The following BSDC1 variants were observed in gnomAD, a reference collection of about 807,000 sequenced individuals.
The protein encoded by BSDC1 is BSD domain-containing protein 1.
Under a neutral mutation model 56.0 loss-of-function variants are expected in BSDC1, and 29 were observed. That is an observed-to-expected ratio of 0.52 (90% CI 0.39 to 0.71). BSDC1 has a LOEUF of 0.71. BSDC1 is among the 30% of genes least tolerant of loss of function. The pLI, the probability that BSDC1 is intolerant of heterozygous loss-of-function variation, is 0.00. For synonymous variants in BSDC1, 210 were observed against 215.3 expected (o/e 0.98, Z 0.21); for missense variants, 477 against 548.5 (o/e 0.87, Z 1.30).
At chr1:32,367,228 T>C (rs1641886034) in intron 10 of BSDC1, 1 of 985,374 alleles carries the variant, frequency 1.0e-6, no homozygotes, top group Non-Finnish European at 1.2e-6. Flanking sequence ...GAACGTTTTC[T>C]TGCTTTGTTC....
chr1:32,372,527 T>C (rs1642127989), intron 9 of BSDC1, among the ~76,000 whole-genome samples: 2 of 152,188 alleles, frequency 1.3e-5, no homozygotes. Context: ...GTATTAACAG[T>C]CCCAGTATAC....
At chr1:32,377,122 T>A (rs1280083328) in intron 8 of BSDC1, among the ~76,000 whole-genome samples, 3 of 151,378 alleles carry the variant, frequency 2.0e-5, no homozygotes, top group Non-Finnish European at 2.9e-5. Flanking sequence ...GATGACAGAG[T>A]GAGACTCTGC....
chr1:32,379,170 C>T (rs964293667), intron 5 of BSDC1, among the ~76,000 whole-genome samples: 5 of 152,128 alleles, frequency 3.3e-5, no homozygotes, highest in African/African-American at 7.2e-5. Flanking sequence ...TGTCTTCCCT[C>T]GTGTGACCAT....
chr1:32,379,446 A>C (rs1208562567), intron 5 of BSDC1, among the ~76,000 whole-genome samples: 3 of 152,008 alleles, frequency 2.0e-5, no homozygotes, highest in African/African-American at 7.2e-5. Context: ...CCAGATCCAG[A>C]GGTCCAGGTA....
chr1:32,378,145 C>A lies in BSDC1; in HGVS notation c.597+70G>T, dbSNP rs1451661603. The A allele has an allele frequency of 6.2e-7, 1 of 1,607,820 alleles. No individual in the cohort carries two copies. Among genetic ancestry groups the A allele is most frequent in the Non-Finnish European group, 8.5e-7 (1 of 1,174,948 alleles). On this transcript the variant is annotated intron_variant, in intron 7 of 10. Coordinates refer to ENST00000455895, the MANE Select transcript of BSDC1 (RefSeq NM_018045.8). The surrounding 1 kb of genome is among the most constrained non-coding windows in gnomAD (Gnocchi z 5.2). ...AACTCTTGGCACCCTGTATCCCTTT[C>A]TTCTCTCAATAAATCCAGCCTGCTT...
chr1:32,366,844 A>C, intron 10 of BSDC1, 190 bp from the exon 11 acceptor site: 1 of 1,331,646 alleles, frequency 7.5e-7, no homozygotes, highest in Non-Finnish European at 9.6e-7. Flanking sequence ...CCTCTGCCTG[A>C]GGGGTGGGCC....
chr1:32,376,958 C>T (rs915256278), intron 8 of BSDC1, among the ~76,000 whole-genome samples: 4 of 152,074 alleles, frequency 2.6e-5, no homozygotes, highest in African/African-American at 9.7e-5. Flanking sequence ...CACGGTGAAA[C>T]CCCATCTCTA....
At chr1:32,375,852 C>T (rs1642259607) in intron 9 of BSDC1, among the ~76,000 whole-genome samples, 2 of 152,222 alleles carry the variant, frequency 1.3e-5, no homozygotes, top group South Asian at 4.1e-4. Context: ...TAGTTAAGGG[C>T]ATGGGCTTGG....
chr1:32,381,948 C>T (rs376772006), intron 4 of BSDC1, among the ~76,000 whole-genome samples: 2 of 152,286 alleles, frequency 1.3e-5, no homozygotes, highest in East Asian at 1.9e-4. Context: ...CAATGTGGGC[C>T]GGGTGCGGTG....
At chr1:32,377,667 G>A (rs1431734108) in intron 8 of BSDC1, among the ~76,000 whole-genome samples, 1 of 152,182 alleles carries the variant, frequency 6.6e-6, no homozygotes, top group Non-Finnish European at 1.5e-5. Flanking sequence ...GTCTTCTTTA[G>A]AAGGTGGGGA....
At chr1:32,367,932 C>G (rs1641911281) in intron 10 of BSDC1, 1 of 1,029,908 alleles carries the variant, frequency 9.7e-7, no homozygotes, top group Non-Finnish European at 1.2e-6. Flanking sequence ...CTTGATCACA[C>G]TGGTCTTTTG....
In BSDC1 at chr1:32,378,833, G is replaced by C. The variant is rs769915534; in HGVS notation, c.419C>G (p.Pro140Arg). 1 of 1,515,198 alleles carries C rather than the reference G, an allele frequency of 6.6e-7. No homozygotes were observed. Among genetic ancestry groups the C allele is most frequent in the Non-Finnish European group, 8.9e-7 (1 of 1,129,386 alleles). The allele number at this position is 1,515,198 out of a possible 1,614,324, so 93.9% of individuals were successfully genotyped here. A position where few individuals can be genotyped will look rare whatever the true frequency, so the allele number is the denominator to read the frequency against. ...GGAAAGCCAGGCGTCAAACAATTCC[G>C]GGGGCCCTGCAGAGGGACAGATGCT... ...ATYCNEPDGPPELFDAWLSQF... is the reference protein window; with the variant it reads ...ATYCNEPDGPRELFDAWLSQF... The change falls in exon 6 of 11, where the codon CCG becomes CGG. Residue 140 changes from proline (P) to arginine (R), a missense_variant. Physicochemically the swap from Pro to Arg is moderately radical, Grantham distance 103. Transcript: ENST00000455895. The surrounding 1 kb of genome is among the most constrained non-coding windows in gnomAD (Gnocchi z 5.2).
chr1:32,392,233 G>A (rs917678057), intron 2 of BSDC1, among the ~76,000 whole-genome samples: 1 of 152,150 alleles, frequency 6.6e-6, no homozygotes, highest in Non-Finnish European at 1.5e-5. Flanking sequence ...TCAGGAGGCC[G>A]AGGCAGGAGA....
chr1:32,392,039 C>CT (rs1642883012), intron 2 of BSDC1, among the ~76,000 whole-genome samples: 1 of 152,156 alleles, frequency 6.6e-6, no homozygotes, highest in African/African-American at 2.4e-5. Flanking sequence ...AGGTTAAAAA[C>CT]TTGCCCAAGA....
chr1:32,379,719 T>C (rs542785034), intron 5 of BSDC1, among the ~76,000 whole-genome samples: 8 of 152,310 alleles, frequency 5.3e-5, no homozygotes, highest in African/African-American at 1.9e-4. Context: ...ACCTTCCGAA[T>C]AGCTGAGGCT....
intron 4 of BSDC1, among the ~76,000 whole-genome samples, chr1:32,383,294 T>A (rs1021955686): frequency 1.4e-4 from 22 of 151,922 alleles, no homozygotes; most frequent in African/African-American, 5.1e-4. Flanking sequence ...ATAATTTTTT[T>A]AAATTAGTTG....
At chr1:32,377,874 G>C in intron 8 of BSDC1, 96 bp downstream of exon 8, 1 of 1,194,110 alleles carries the variant, frequency 8.4e-7, no homozygotes, top group African/African-American at 1.5e-5. Context: ...CTTCCCTGAT[G>C]GGCACCAAGT....
chr1:32,369,824 G>A (rs756975264), intron 9 of BSDC1, among the ~76,000 whole-genome samples: 1 of 152,058 alleles, frequency 6.6e-6, no homozygotes, highest in East Asian at 1.9e-4. Context: ...ACAGAGTCTC[G>A]CTCTGTCACC....
rs572806777 is a variant in BSDC1, at chr1:32,380,195, C to A, written c.412+1019G>T. Among the ~76,000 whole-genome samples, 4 of 152,224 alleles carry A rather than the reference C, an allele frequency of 2.6e-5. No individual in the cohort carries two copies. The South Asian group carries it at 8.3e-4, about 32-fold the overall frequency. On this transcript the variant is annotated intron_variant, in intron 5 of 10. Coordinates refer to ENST00000455895, the MANE Select transcript of BSDC1 (RefSeq NM_018045.8). ...AAAGCTCTTCACAATCTGGCTCCCA[C>A]GAGCTGCTCTCACTGCCTTCACTTC...
Sources: allele counts gnomAD v4.1 joint callset (sites outside exome capture counted in the v4.1 genomes callset), GRCh38; gene constraint gnomAD v4.1.1; non-coding constraint Gnocchi (gnomAD v3.1); transcripts MANE v1.5; gene names NCBI Gene and HGNC (gene_info 2026-07-23, HGNC 2026-07-21).